The following MYH3 variants were observed in gnomAD, a reference collection of about 807,000 sequenced individuals.
The protein encoded by MYH3 is myosin heavy chain 3, also known as myosin-3.
Under a neutral mutation model 238.0 loss-of-function variants are expected in MYH3, and 130 were observed. That is an observed-to-expected ratio of 0.55 (90% CI 0.47 to 0.63). The LOEUF (loss-of-function observed/expected upper bound fraction) is 0.63. Among genes scored for constraint, MYH3 ranks in the 30% least tolerant of loss-of-function variants. The pLI, the probability that MYH3 is intolerant of heterozygous loss-of-function variation, is 0.00. For missense variants in MYH3, 1,853 were observed against 2,374.9 expected (o/e 0.78, Z 4.57); for synonymous variants, 880 against 924.1 (o/e 0.95, Z 0.86).
chr17:10,665,931 G>C, the MYH3 span, among the ~76,000 whole-genome samples: 2 of 152,188 alleles, frequency 1.3e-5, no homozygotes. Flanking sequence ...GAACAGCATA[G>C]AGAGTCCAGA....
intron 28 of MYH3, among the ~76,000 whole-genome samples, chr17:10,636,405 T>A (rs1355965973): frequency 6.6e-6 from 1 of 151,080 alleles, no homozygotes; most frequent in Non-Finnish European, 1.5e-5. Context: ...CAGGAGCACC[T>A]AATAACTCCC....
intron 34 of MYH3, 48 bp from the exon 35 acceptor site, chr17:10,632,064 C>T (rs1597481574): frequency 1.3e-6 from 2 of 1,588,018 alleles, no homozygotes; most frequent in Non-Finnish European, 1.7e-6. Context: ...GGCGTTAGGA[C>T]CACGAGCCTC....
At chr17:10,675,913 G>A in the MYH3 span, 2 of 152,102 alleles carry the variant, frequency 1.3e-5, no homozygotes, top group Non-Finnish European at 2.9e-5. Flanking sequence ...TCACATGTAT[G>A]ACATGGAGAC....
the MYH3 span, among the ~76,000 whole-genome samples, chr17:10,667,160 A>T: frequency 1.3e-5 from 2 of 152,236 alleles, no homozygotes; most frequent in African/African-American, 4.8e-5. Flanking sequence ...ATTTAGAAAA[A>T]CAAACTAGCA....
upstream of MYH3, among the ~76,000 whole-genome samples, chr17:10,659,710 G>A (rs1302520158): frequency 1.3e-5 from 2 of 152,172 alleles, no homozygotes; most frequent in African/African-American, 4.8e-5. Context: ...TGCTGATCGC[G>A]TTCAAATGAG....
Position 10,645,927 on chromosome 17 carries a change from A to G in MYH3, c.1002+2T>C. On this transcript the variant is annotated splice_donor_variant, in intron 11 of 40. Coordinates refer to ENST00000583535, the MANE Select transcript of MYH3 (RefSeq NM_002470.4). LOFTEE classifies it high-confidence loss of function. ...CCCACCCCTTCTGTTGGTTCCACTTACGTCTGTAGCCAGCAGCTCCTCTGC... is the reference window on the plus strand; with the variant it reads ...CCCACCCCTTCTGTTGGTTCCACTTGCGTCTGTAGCCAGCAGCTCCTCTGC... 6.2e-7 allele frequency: 1 copy of G among 1,613,772 alleles called. No homozygotes were observed. Among genetic ancestry groups the G allele is most frequent in the Non-Finnish European group, 8.5e-7 (1 of 1,179,838 alleles).
chr17:10,635,467 G>A lies in MYH3; in HGVS notation c.4072C>T (p.Leu1358=). The A allele has an allele frequency of 6.2e-7, 1 of 1,614,194 alleles. No homozygotes were observed. The highest frequency in any genetic ancestry group is 8.5e-7 in the Non-Finnish European group (1 of 1,180,006). The change falls in exon 30 of 41, where the codon CTG becomes TTG. Residue 1358 remains leucine, a synonymous_variant. Transcript: ENST00000583535. ...YEEEQEGKAE[L]QRALSKANSE... ...TTGGCCTTGGACAGCGCCCTCTGCA[G>A]CTCAGCTTTGCCTTCCTGCTCCTCC...
chr17:10,645,038 C>T (rs181940979), intron 12 of MYH3, among the ~76,000 whole-genome samples: 1 of 110,452 alleles, frequency 9.1e-6, no homozygotes, highest in African/African-American at 2.9e-5. Flanking sequence ...TTAATCGCTT[C>T]CATCCATTTT....
chr17:10,657,544 C>T (rs552082274), upstream of MYH3, among the ~76,000 whole-genome samples: 35 of 152,278 alleles, frequency 2.3e-4, no homozygotes, highest in Non-Finnish European at 3.4e-4. Context: ...AACTTGGGGC[C>T]GGTGCTCCCT....
In MYH3 at chr17:10,655,154, C is replaced by T. The variant is rs570748495; in HGVS notation, c.-8-82G>A. ...CTCCAGGCCTGTTTCAGCCTCCACC[C>T]TGCCCTCCTTCAGCCGCAGGAGCCC... On this transcript the variant is annotated intron_variant, in intron 2 of 40. Coordinates refer to ENST00000583535, the MANE Select transcript of MYH3 (RefSeq NM_002470.4). 24 of 1,148,418 alleles carry T rather than the reference C, an allele frequency of 2.1e-5. No homozygotes were observed. The African/African-American group carries it at 3.6e-4, about 17-fold the overall frequency. 71.1% of individuals were successfully genotyped at this position (1,148,418 alleles called of 1,614,324 possible).
Position 10,630,178 on chromosome 17 carries a change from CA to C in MYH3, c.5475del (p.Phe1825LeufsTer17). The C allele has an allele frequency of 6.2e-7, 1 of 1,614,200 alleles. No homozygotes were observed. Among genetic ancestry groups the C allele is most frequent in the Non-Finnish European group, 8.5e-7 (1 of 1,180,036 alleles). ...TTCTTCTTCTGCTCTCCCTCAAGTT[CA>C]AACTCCAGCTCTCGGATCTGGGGGA... ...KLETRIRELE[F>X]ELEGEQKKNT... On this transcript the variant is annotated frameshift_variant, in exon 38 of 41. Coordinates refer to ENST00000583535, the MANE Select transcript of MYH3 (RefSeq NM_002470.4). LOFTEE classifies it high-confidence loss of function.
chr17:10,677,465 T>C, the MYH3 span: 1 of 152,140 alleles, frequency 6.6e-6, no homozygotes, highest in Non-Finnish European at 1.5e-5. Context: ...CCAAAAAAGG[T>C]TTGGGAGATT....
chr17:10,629,804 A>ACGGT (rs762980743), intron 39 of MYH3, 38 bp downstream of exon 39: 6 of 1,614,048 alleles, frequency 3.7e-6, no homozygotes, highest in Non-Finnish European at 4.2e-6. Flanking sequence ...GGGAAACAGC[A>ACGGT]CGGTCTGCCT....
At chr17:10,657,683 G>T (rs1368510939), upstream of MYH3, among the ~76,000 whole-genome samples, 2 of 152,158 alleles carry the variant, frequency 1.3e-5, no homozygotes, top group African/African-American at 4.8e-5. Context: ...ACTGAAGTCG[G>T]GTGGCTTACT....
chr17:10,639,062 A>C lies in MYH3; in HGVS notation c.3230T>G (p.Leu1077Arg). 6.2e-7 allele frequency: 1 copy of C among 1,614,252 alleles called. No homozygotes were observed. Among genetic ancestry groups the C allele is most frequent in the Non-Finnish European group, 8.5e-7 (1 of 1,180,044 alleles). The change falls in exon 25 of 41, where the codon CTG (leucine) becomes CGG (arginine). Residue 1077 changes from leucine to arginine, a missense_variant. This residue lies in a region of MYH3 where 1,044 missense variants were observed against 1,192.6 expected (regional missense o/e 0.88). Transcript: ENST00000583535. ...GGCATACTTCTTGAGCCTTTCGTCC[A>C]GCTGTTGCTTGTCATTCTCCAGATC... ...ILDLENDKQQ[L>R]DERLKKKDFE...
At chr17:10,650,268 GCCCAGCC>G in intron 6 of MYH3, 99 bp downstream of exon 6, 1 of 1,195,386 alleles carries the variant, frequency 8.4e-7, no homozygotes, top group Non-Finnish European at 1.2e-6. Context: ...CAGCCACCGC[GCCCAGCC>G]TGATCTTTTT....
At chr17:10,628,874 A>T (rs549066090) in intron 40 of MYH3, among the ~76,000 whole-genome samples, 195 bp from the exon 41 acceptor site, 2 of 152,318 alleles carry the variant, frequency 1.3e-5, no homozygotes, top group South Asian at 4.1e-4. Context: ...CGAAAGAGCA[A>T]GCCCCAAACG....
Position 10,630,193 on chromosome 17 carries a change from G to A in MYH3, c.5461C>T (p.Arg1821Ter), listed in dbSNP as rs1427377745. 7 of 1,614,000 alleles carry A rather than the reference G, an allele frequency of 4.3e-6. No individual in the cohort carries two copies. Among genetic ancestry groups the A allele is most frequent in the African/African-American group, 1.3e-5 (1 of 74,894 alleles). ...KQIQKLETRIRELEFELEGEQ... is the reference protein window; with the variant it reads ...KQIQKLETRI Reference sequence around the variant, plus strand: ...CCCTCAAGTTCAAACTCCAGCTCTCGGATCTGGGGGAGAGGGTGGGGAAAT... The same window carrying A: ...CCCTCAAGTTCAAACTCCAGCTCTCAGATCTGGGGGAGAGGGTGGGGAAAT... The change falls in exon 38 of 41, where the codon CGA (arginine) becomes TGA (stop). Residue 1821 changes from arginine (R) to a stop codon, truncating the protein, a stop_gained. Coordinates refer to ENST00000583535, the MANE Select transcript of MYH3 (RefSeq NM_002470.4). LOFTEE classifies it high-confidence loss of function.
At chr17:10,662,954 G>A in the MYH3 span, among the ~76,000 whole-genome samples, 1 of 152,104 alleles carries the variant, frequency 6.6e-6, no homozygotes, top group African/African-American at 2.4e-5. Flanking sequence ...GGGTGTGGTG[G>A]TGGGTTCCTG....
Sources: allele counts gnomAD v4.1 joint callset (sites outside exome capture counted in the v4.1 genomes callset), GRCh38; gene constraint gnomAD v4.1.1; regional missense constraint gnomAD v4.1.1; transcripts MANE v1.5; gene names NCBI Gene and HGNC (gene_info 2026-07-23, HGNC 2026-07-21).